The following SH3BP2 variants were observed in gnomAD, a reference collection of about 807,000 sequenced individuals.
SH3BP2 encodes the protein SH3 domain binding protein 2.
SH3BP2 carries 38 observed loss-of-function variants against 56.2 expected under a neutral mutation model. The observed-to-expected ratio is 0.68, with a 90% CI of 0.52 to 0.89. The LOEUF is 0.89. Ranked by LOEUF, SH3BP2 falls within the 40% of genes least tolerant of loss-of-function variation. SH3BP2 has a pLI of 0.00. For synonymous variants in SH3BP2, 346 were observed against 316.7 expected, an observed-to-expected ratio of 1.09 and a Z score of -0.98; for missense variants, 748 against 762.6, an observed-to-expected ratio of 0.98 and a Z score of 0.23.
At chr4:2,827,404 T>C in intron 6 of SH3BP2, 86 bp downstream of exon 6, 1 of 1,349,100 alleles carries the variant, frequency 7.4e-7, no homozygotes, top group Non-Finnish European at 1.1e-6. Context: ...GGAGGTGTGT[T>C]CGGCTGTGCT....
intron 1 of SH3BP2, among the ~76,000 whole-genome samples, chr4:2,803,796 G>A (rs1366471903): frequency 2.6e-5 from 4 of 152,188 alleles, no homozygotes; most frequent in Admixed American, 6.5e-5. Flanking sequence ...AACTCATGTG[G>A]AAGATTGCTC....
chr4:2,818,451 A>G (rs1184956508), intron 1 of SH3BP2: 6 of 919,390 alleles, frequency 6.5e-6, no homozygotes, highest in Non-Finnish European at 8.3e-6. Flanking sequence ...CCGGCTCTGG[A>G]CCCCGCACCC....
rs1464060313 is a variant in SH3BP2 at position 2,810,824 on chromosome 4, T to G, written c.-4-9790T>G. 1.3e-5 allele frequency among the ~76,000 whole-genome samples: 2 copies of G among 152,174 alleles called. No individual in the cohort carries two copies. Among genetic ancestry groups the G allele is most frequent in the Non-Finnish European group, 2.9e-5 (2 of 68,014 alleles). ...CTGCCTCATCGTCCAGGCTGGGCAG[T>G]GGCCCAGGGGTTCCTCACCTGCTGT... On this transcript the variant is annotated intron_variant, in intron 1 of 12. Coordinates refer to ENST00000503393, the MANE Select transcript of SH3BP2 (RefSeq NM_001122681.2). The surrounding 1 kb of genome is among the most constrained non-coding windows in gnomAD (Gnocchi z 4.2).
chr4:2,827,063 G>C lies in SH3BP2; in HGVS notation c.429-167G>C, dbSNP rs147087776. The C allele has an allele frequency of 5.7e-6, 4 of 701,868 alleles. No homozygotes were observed. The East Asian group carries it at 1.1e-4, about 19-fold the overall frequency. 43.5% of individuals were successfully genotyped at this position (701,868 alleles called of 1,614,324 possible). On this transcript the variant is annotated intron_variant, in intron 5 of 12. Coordinates refer to ENST00000503393, the MANE Select transcript of SH3BP2 (RefSeq NM_001122681.2). ...TCAGCGTATCCGTGTGTGCATGTGT[G>C]TGTCTGTCAGCTTAACCATGTGTGC...
chr4:2,812,892 G>A (rs1723821392), intron 1 of SH3BP2, among the ~76,000 whole-genome samples: 1 of 152,128 alleles, frequency 6.6e-6, no homozygotes, highest in South Asian at 2.1e-4. Flanking sequence ...TTGTGGGGGG[G>A]TAACGGAGAG....
In SH3BP2 at chr4:2,831,691, CG is replaced by C; in HGVS notation, c.1350+14del. On this transcript the variant is annotated intron_variant, in intron 9 of 12. Transcript: ENST00000503393. This position sits in a 1 kb window ranked among gnomAD's most constrained non-coding sequence, Gnocchi z 4.1. Reference sequence around the variant, plus strand: ...AGGACTATGAGAAGGCAAGGCTGAGCGGCAAGCCTGGGTCCCAGTGGCCAGT... The same window carrying C: ...AGGACTATGAGAAGGCAAGGCTGAGCGCAAGCCTGGGTCCCAGTGGCCAGT... 1 of 1,575,778 alleles carries C rather than the reference CG, an allele frequency of 6.3e-7. No homozygotes were observed. Among genetic ancestry groups the C allele is most frequent in the Non-Finnish European group, 8.6e-7 (1 of 1,157,574 alleles).
intron 2 of SH3BP2, 77 bp from the exon 3 acceptor site, chr4:2,822,858 C>A (rs1350797726): frequency 9.0e-7 from 1 of 1,107,210 alleles, no homozygotes; most frequent in African/African-American, 1.5e-5. Context: ...CCCAAGTTGT[C>A]CTGTGGAGGG....
intron 1 of SH3BP2, chr4:2,814,882 C>G (rs940328511): frequency 6.6e-6 from 1 of 152,332 alleles, no homozygotes; most frequent in Non-Finnish European, 1.5e-5. Context: ...TCTGCCTCTA[C>G]AGAGGAAGGG....
intron 1 of SH3BP2, among the ~76,000 whole-genome samples, chr4:2,808,465 A>G (rs746721977): frequency 6.6e-6 from 1 of 152,092 alleles, no homozygotes; most frequent in Non-Finnish European, 1.5e-5. Context: ...TTTGGGGGCC[A>G]CCTTTCAGCC....
chr4:2,796,390 G>T, intron 1 of SH3BP2: 1 of 985,376 alleles, frequency 1.0e-6, no homozygotes, highest in Non-Finnish European at 1.2e-6. Flanking sequence ...TAACTTCCAA[G>T]GCCATGAGAG....
chr4:2,794,837 C>A (rs925444853), intron 1 of SH3BP2, among the ~76,000 whole-genome samples: 1 of 152,188 alleles, frequency 6.6e-6, no homozygotes. Flanking sequence ...CTCCCCACCC[C>A]CCAGGGATGC....
intron 5 of SH3BP2, 128 bp downstream of exon 5, chr4:2,825,324 A>G (rs1269230951): frequency 3.5e-5 from 27 of 770,638 alleles, no homozygotes; most frequent in Non-Finnish European, 6.2e-5. Context: ...TGGAGGTGCC[A>G]GCTGGGCTGC....
At chr4:2,803,083 G>T (rs762292353) in intron 1 of SH3BP2, among the ~76,000 whole-genome samples, 1 of 152,238 alleles carries the variant, frequency 6.6e-6, no homozygotes, top group Non-Finnish European at 1.5e-5. Context: ...CGCCAAGACC[G>T]CCACGGTACG....
chr4:2,799,772 A>G (rs900200533), intron 1 of SH3BP2, among the ~76,000 whole-genome samples: 2 of 152,106 alleles, frequency 1.3e-5, no homozygotes, highest in African/African-American at 4.8e-5. Flanking sequence ...AGCACCAAAG[A>G]TGCCAGGGGC....
Position 2,824,999 on chromosome 4 carries a change from T to A in SH3BP2, c.358-127T>A. Reference sequence around the variant, plus strand: ...TGAGGGGAGCCACACAGCCATGTTGTATCCAGCCGGGTCGCCTCCTCTGAC... The same window carrying A: ...TGAGGGGAGCCACACAGCCATGTTGAATCCAGCCGGGTCGCCTCCTCTGAC... On this transcript the variant is annotated intron_variant, in intron 4 of 12. Transcript: ENST00000503393. 5.8e-6 allele frequency: 5 copies of A among 869,188 alleles called. No individual in the cohort carries two copies. In the South Asian group the frequency reaches 7.2e-5, roughly 13 times the overall value. The allele number at this position is 869,188 out of a possible 1,614,324, so 53.8% of individuals were successfully genotyped here.
intron 1 of SH3BP2, chr4:2,812,092 G>A (rs1342366650): frequency 8.7e-7 from 1 of 1,147,210 alleles, no homozygotes; most frequent in African/African-American, 1.6e-5. Flanking sequence ...CCTGGCCTCT[G>A]ACCACAGGAT....
rs1159154828 is a variant in SH3BP2 at position 2,831,857 on chromosome 4, G to A, written c.1351-66G>A. 21 of 1,555,690 alleles carry A rather than the reference G, an allele frequency of 1.3e-5. No individual in the cohort carries two copies. Among genetic ancestry groups the A allele is most frequent in the Middle Eastern group, 3.4e-4 (2 of 5,966 alleles). On this transcript the variant is annotated intron_variant, in intron 9 of 12. Transcript: ENST00000503393. This position sits in a 1 kb window ranked among gnomAD's most constrained non-coding sequence, Gnocchi z 4.1. ...CGGATCCCGGCACCGGGTGGCCACC[G>A]TCCGGGGAGTGGTGGTGCGGGTGGA...
rs1723152922 is a variant in SH3BP2 at position 2,799,010 on chromosome 4, A to T, written c.-5+5872A>T. ...AGCTGCACGCAGCACGGGGCCTGGGAAACTCCAAAGCCGGCGTCAGGTCAT... is the reference window on the plus strand; with the variant it reads ...AGCTGCACGCAGCACGGGGCCTGGGTAACTCCAAAGCCGGCGTCAGGTCAT... On this transcript the variant is annotated intron_variant, in intron 1 of 12. Coordinates refer to ENST00000503393, the MANE Select transcript of SH3BP2 (RefSeq NM_001122681.2). 6.1e-6 allele frequency: 6 copies of T among 985,404 alleles called. No individual in the cohort carries two copies. The South Asian group carries it at 2.8e-4, about 46-fold the overall frequency. The allele number at this position is 985,404 out of a possible 1,614,324, so 61.0% of individuals were successfully genotyped here.
intron 7 of SH3BP2, among the ~76,000 whole-genome samples, chr4:2,828,369 G>A (rs1273116147): frequency 5.3e-5 from 8 of 151,770 alleles, no homozygotes; most frequent in African/African-American, 7.3e-5. Flanking sequence ...CCCTGACCCC[G>A]TATCCTCTCT....
Sources: allele counts gnomAD v4.1 joint callset (sites outside exome capture counted in the v4.1 genomes callset), GRCh38; gene constraint gnomAD v4.1.1; non-coding constraint Gnocchi (gnomAD v3.1); transcripts MANE v1.5; gene names NCBI Gene and HGNC (gene_info 2026-07-23, HGNC 2026-07-21).